AKAP9: variants seen among roughly 807,000 people sequenced by gnomAD.
The protein encoded by AKAP9 is A-kinase anchoring protein 9.
Under a neutral mutation model 488.5 loss-of-function variants are expected in AKAP9, and 311 were observed. The ratio of observed to expected loss-of-function variants is 0.64; its 90% CI spans 0.58 to 0.70. AKAP9 has a LOEUF of 0.70. Ranked by LOEUF, AKAP9 falls within the 30% of genes least tolerant of loss-of-function variation. The pLI, the probability that AKAP9 is intolerant of heterozygous loss-of-function variation, is 0.00. For missense variants in AKAP9, 4,215 were observed against 4,374.5 expected, an observed-to-expected ratio of 0.96 and a Z score of 1.03; for synonymous variants, 1,462 against 1,483.5, an observed-to-expected ratio of 0.99 and a Z score of 0.33.
At chr7:92,071,457 T>G (rs1174541803) in intron 28 of AKAP9, among the ~76,000 whole-genome samples, 1 of 151,928 alleles carries the variant, frequency 6.6e-6, no homozygotes, top group African/African-American at 2.4e-5. Context: ...GAATATGTTC[T>G]TAAAACAAAA....
chr7:92,058,909 G>A (rs1004492935), intron 22 of AKAP9, among the ~76,000 whole-genome samples: 5 of 151,802 alleles, frequency 3.3e-5, no homozygotes, highest in African/African-American at 9.7e-5. Flanking sequence ...AATATGCCTC[G>A]TAATCTTGTG....
intron 14 of AKAP9, among the ~76,000 whole-genome samples, chr7:92,025,850 G>C (rs1218589266): frequency 6.6e-6 from 1 of 152,176 alleles, no homozygotes. Flanking sequence ...TAAAGTGGCT[G>C]TTTCCTTCCA....
At chr7:92,000,097 A>C (rs1185150170) in intron 7 of AKAP9, among the ~76,000 whole-genome samples, 1 of 152,246 alleles carries the variant, frequency 6.6e-6, no homozygotes, top group East Asian at 1.9e-4. Flanking sequence ...TCACCATAAC[A>C]GATATGCCTT....
At chr7:92,013,201 C>T (rs991421725) in intron 9 of AKAP9, among the ~76,000 whole-genome samples, 4 of 150,986 alleles carry the variant, frequency 2.6e-5, no homozygotes, top group Non-Finnish European at 5.9e-5. Flanking sequence ...CCGTTTTAGC[C>T]GGGATGGTCT....
At chr7:92,057,450 C>T (rs1808986062) in intron 22 of AKAP9, among the ~76,000 whole-genome samples, 1 of 151,996 alleles carries the variant, frequency 6.6e-6, no homozygotes, top group Non-Finnish European at 1.5e-5. Flanking sequence ...AACTTGGATC[C>T]TGTCTGGCAG....
chr7:91,961,500 G>A lies in AKAP9; in HGVS notation c.49-12211G>A, dbSNP rs149055069. Reference sequence around the variant, plus strand: ...GCCAAAACTTGGCATATTTTATACAGCATTTTGAAAATTCATTGTTTTATT... The same window carrying A: ...GCCAAAACTTGGCATATTTTATACAACATTTTGAAAATTCATTGTTTTATT... On this transcript the variant is annotated intron_variant, in intron 1 of 49. Transcript: ENST00000356239. 6.9e-3 allele frequency among the ~76,000 whole-genome samples: 1,049 copies of A among 151,970 alleles called. 7 individuals are homozygous for A. Among genetic ancestry groups the A allele is most frequent in the Non-Finnish European group, 0.011 (740 of 67,966 alleles).
At chr7:91,992,274 C>T in intron 4 of AKAP9, 63 bp downstream of exon 4, 4 of 1,264,814 alleles carry the variant, frequency 3.2e-6, no homozygotes, top group Non-Finnish European at 4.6e-6. Flanking sequence ...ATCTGGCTTA[C>T]TAACAAAACT....
intron 1 of AKAP9, among the ~76,000 whole-genome samples, chr7:91,966,536 T>C (rs1254409868): frequency 1.3e-5 from 2 of 152,246 alleles, no homozygotes; most frequent in African/African-American, 4.8e-5. Context: ...TTGGATAAAA[T>C]GTTTTGTAAA....
chr7:91,964,767 A>G (rs966015642), intron 1 of AKAP9, among the ~76,000 whole-genome samples: 44 of 152,112 alleles, frequency 2.9e-4, no homozygotes, highest in African/African-American at 9.9e-4. Flanking sequence ...CCCTTCAACA[A>G]AATCTAACTA....
chr7:91,995,710 A>G lies in AKAP9; in HGVS notation c.840A>G (p.Gln280=), dbSNP rs749900280. ...ILTHQQQLEE[Q]DHLLEDYQKK... Reference sequence around the variant, plus strand: ...CTCATCAACAGCAGCTTGAAGAACAAGACCACTTATTAGAAGATTATCAGA... The same window carrying G: ...CTCATCAACAGCAGCTTGAAGAACAGGACCACTTATTAGAAGATTATCAGA... Residue 280 remains glutamine, a synonymous_variant, in exon 7 of 50, where the codon CAA becomes CAG. Coordinates refer to ENST00000356239, the MANE Select transcript of AKAP9 (RefSeq NM_005751.5). The G allele has an allele frequency of 1.2e-6, 2 of 1,613,944 alleles. No homozygotes were observed. Among genetic ancestry groups the G allele is most frequent in the East Asian group, 4.5e-5 (2 of 44,896 alleles).
intron 7 of AKAP9, among the ~76,000 whole-genome samples, chr7:91,999,756 C>G (rs572421800): frequency 1.3e-5 from 2 of 152,282 alleles, no homozygotes; most frequent in East Asian, 3.9e-4. Flanking sequence ...TTTTCTAGAG[C>G]AACCAAAATT....
chr7:91,975,888 T>A (rs1008373832), intron 2 of AKAP9, among the ~76,000 whole-genome samples: 1 of 150,988 alleles, frequency 6.6e-6, no homozygotes, highest in Admixed American at 6.6e-5. Context: ...TTGTTTTTAT[T>A]TTTTAGTTTA....
At chr7:92,032,551 CT>C (rs1804448479) in intron 16 of AKAP9, among the ~76,000 whole-genome samples, 2 of 150,956 alleles carry the variant, frequency 1.3e-5, no homozygotes, top group East Asian at 1.9e-4. Context: ...TATGAGTTTG[CT>C]TTTTTTGTAT....
chr7:92,099,412 A>G (rs188856188), intron 43 of AKAP9, among the ~76,000 whole-genome samples: 1 of 152,282 alleles, frequency 6.6e-6, no homozygotes. Flanking sequence ...TCCATTGCCT[A>G]CATTTAGGTC....
chr7:92,012,695 A>G, intron 9 of AKAP9, 53 bp downstream of exon 9: 1 of 1,406,926 alleles, frequency 7.1e-7, no homozygotes, highest in Non-Finnish European at 1.0e-6. Context: ...TATTGGATAG[A>G]GCCCACCATT....
chr7:92,050,445 A>G (rs575833254), intron 21 of AKAP9, among the ~76,000 whole-genome samples: 1 of 152,150 alleles, frequency 6.6e-6, no homozygotes, highest in Admixed American at 6.5e-5. Context: ...CAGCTTTGGT[A>G]CTGCAGGAAT....
At position 92,097,026 on chromosome 7, in the gene AKAP9, A is replaced by G. The variant is rs967251240; in HGVS notation, c.10067A>G (p.His3356Arg). 6.2e-7 allele frequency: 1 copy of G among 1,614,126 alleles called. No individual in the cohort carries two copies. Among genetic ancestry groups the G allele is most frequent in the Non-Finnish European group, 8.5e-7 (1 of 1,180,048 alleles). Reference sequence around the variant, plus strand: ...CTGCAGAAACAGCTAGAGGAAAAACACAGTCGCATAGTAGAATTGTTAAAT... The same window carrying G: ...CTGCAGAAACAGCTAGAGGAAAAACGCAGTCGCATAGTAGAATTGTTAAAT... ...KELQKQLEEK[H>R]SRIVELLNET... Residue 3356 changes from histidine to arginine, a missense_variant, in exon 41 of 50, where the codon CAC becomes CGC. By Grantham distance (29) the His-to-Arg change is conservative. Around this residue, in one of 5 missense-constraint regions of AKAP9, gnomAD observed 1,476 missense variants for 1,477.4 expected, o/e 1.00. Transcript: ENST00000356239.
chr7:92,070,829 G>C, intron 27 of AKAP9, 76 bp from the exon 28 acceptor site: 10 of 710,884 alleles, frequency 1.4e-5, no homozygotes, highest in South Asian at 2.4e-5. Context: ...AAAAAAAGCA[G>C]ACCAAAAAAC....
intron 6 of AKAP9, 124 bp downstream of exon 6, chr7:91,994,900 T>C: frequency 1.2e-6 from 1 of 811,234 alleles, no homozygotes; most frequent in Non-Finnish European, 2.0e-6. Flanking sequence ...TATGAAAAAT[T>C]AGTGAATATG....
Sources: allele counts gnomAD v4.1 joint callset (sites outside exome capture counted in the v4.1 genomes callset), GRCh38; gene constraint gnomAD v4.1.1; regional missense constraint gnomAD v4.1.1; transcripts MANE v1.5; gene names NCBI Gene and HGNC (gene_info 2026-07-23, HGNC 2026-07-21).